The following SPATA13 variants were observed in gnomAD, a reference collection of about 807,000 sequenced individuals.
The protein encoded by SPATA13 is spermatogenesis-associated protein 13.
SPATA13 carries 50 observed loss-of-function variants against 104.0 expected under a neutral mutation model. The ratio of observed to expected loss-of-function variants is 0.48; its 90% CI spans 0.38 to 0.61. SPATA13 has a LOEUF of 0.61. Among genes scored for constraint, SPATA13 ranks in the 20% least tolerant of loss-of-function variants. The probability of loss-of-function intolerance (pLI) is 0.00; values close to 1 mark genes in which losing one functional copy is unlikely to be tolerated. For synonymous variants in SPATA13, 606 were observed against 667.5 expected (o/e 0.91, Z 1.42); for missense variants, 1,524 against 1,690.6 (o/e 0.90, Z 1.73).
At chr13:24,292,716 G>A (rs1453686415) in intron 9 of SPATA13, among the ~76,000 whole-genome samples, 2 of 152,022 alleles carry the variant, frequency 1.3e-5, no homozygotes, top group Non-Finnish European at 2.9e-5. Context: ...GGAAACTTCT[G>A]GCCGGGCGCC....
chr13:24,056,499 G>T (rs982166332), intron 3 of SPATA13, among the ~76,000 whole-genome samples: 2 of 152,162 alleles, frequency 1.3e-5, no homozygotes, highest in African/African-American at 4.8e-5. Context: ...CTGTCCTTCT[G>T]TCCTAAGTGT....
At chr13:24,287,468 C>T (rs1243007815) in intron 7 of SPATA13, among the ~76,000 whole-genome samples, 1 of 152,216 alleles carries the variant, frequency 6.6e-6, no homozygotes, top group Non-Finnish European at 1.5e-5. Context: ...CGGCCCCTCT[C>T]TTAAGTGCAC....
intron 3 of SPATA13, among the ~76,000 whole-genome samples, chr13:24,080,593 C>G (rs545302609): frequency 6.6e-6 from 1 of 152,156 alleles, no homozygotes; most frequent in Non-Finnish European, 1.5e-5. Context: ...GTGGACAGGC[C>G]GCACACCACC....
At chr13:24,192,627 C>T (rs923402881) in intron 1 of SPATA13, among the ~76,000 whole-genome samples, 3 of 152,246 alleles carry the variant, frequency 2.0e-5, no homozygotes, top group African/African-American at 7.2e-5. Flanking sequence ...TGAATGAAAA[C>T]TCAGGCACCT....
chr13:24,029,247 A>G (rs547453485), intron 3 of SPATA13, among the ~76,000 whole-genome samples: 45 of 152,268 alleles, frequency 3.0e-4, no homozygotes, highest in African/African-American at 1.0e-3. Context: ...TCGTGGGAAT[A>G]CTTTAAAGTC....
chr13:24,110,462 A>G (rs1240210209), intron 3 of SPATA13, among the ~76,000 whole-genome samples: 1 of 152,238 alleles, frequency 6.6e-6, no homozygotes, highest in African/African-American at 2.4e-5. Flanking sequence ...GTCAACTCCA[A>G]ACCCCTTGAC....
chr13:24,095,704 G>A (rs1880053760), intron 3 of SPATA13, among the ~76,000 whole-genome samples: 1 of 152,126 alleles, frequency 6.6e-6, no homozygotes, highest in Admixed American at 6.5e-5. Flanking sequence ...TCAAAACAGT[G>A]GACTTGCAAT....
chr13:24,287,622 A>G (rs1160978662), intron 7 of SPATA13, among the ~76,000 whole-genome samples: 1 of 152,204 alleles, frequency 6.6e-6, no homozygotes, highest in East Asian at 1.9e-4. Flanking sequence ...TCACCAACTG[A>G]CAGATGAGAT....
chr13:24,077,388 GT>G lies in SPATA13; in HGVS notation c.-112+59688del, dbSNP rs1316283858. Among the ~76,000 whole-genome samples, 6 of 151,554 alleles carry G rather than the reference GT, an allele frequency of 4.0e-5. No individual in the cohort carries two copies. The East Asian group carries it at 1.2e-3, about 29-fold the overall frequency. On this transcript the variant is annotated intron_variant, in intron 3 of 14. Transcript: ENST00000424834. Reference sequence around the variant, plus strand: ...AAAATTGGGATCCATGAGTTGACAAGTACATGTGATCATACTGGAACGAAAG... The same window carrying G: ...AAAATTGGGATCCATGAGTTGACAAGACATGTGATCATACTGGAACGAAAG...
At chr13:24,040,623 C>G (rs1877886325) in intron 3 of SPATA13, among the ~76,000 whole-genome samples, 1 of 152,032 alleles carries the variant, frequency 6.6e-6, no homozygotes, top group African/African-American at 2.4e-5. Flanking sequence ...GCCTGCCAAG[C>G]ACCAATTTTG....
At chr13:24,142,524 A>C (rs1881793837) in intron 3 of SPATA13, among the ~76,000 whole-genome samples, 1 of 152,150 alleles carries the variant, frequency 6.6e-6, no homozygotes. Context: ...TGGGGGCAGA[A>C]ATATCACAGA....
intron 3 of SPATA13, among the ~76,000 whole-genome samples, chr13:24,021,788 T>C (rs1349293715): frequency 1.3e-5 from 2 of 151,886 alleles, no homozygotes; most frequent in Non-Finnish European, 2.9e-5. Context: ...CTTGGCTCAC[T>C]GCAAGCTCCA....
intron 1 of SPATA13, among the ~76,000 whole-genome samples, chr13:24,182,511 C>T (rs78506514): frequency 1.5e-5 from 2 of 129,090 alleles, no homozygotes; most frequent in Admixed American, 7.7e-5. Flanking sequence ...AGAGAGAGAG[C>T]GCAGGAAAGA....
intron 3 of SPATA13, among the ~76,000 whole-genome samples, chr13:24,058,148 A>C (rs1185594877): frequency 6.6e-6 from 1 of 151,900 alleles, no homozygotes; most frequent in African/African-American, 2.4e-5. Flanking sequence ...ATGAGGCTAC[A>C]TAAATTTAGT....
chr13:24,123,629 G>A, intron 3 of SPATA13: 1 of 1,604,956 alleles, frequency 6.2e-7, no homozygotes, highest in Non-Finnish European at 8.5e-7. Context: ...GGGCAGCAGT[G>A]GTAGGAGAAA....
intron 2 of SPATA13, among the ~76,000 whole-genome samples, chr13:24,226,172 C>G (rs1334755872): frequency 6.6e-6 from 1 of 152,306 alleles, no homozygotes; most frequent in East Asian, 1.9e-4. Flanking sequence ...GAAGTTCTCA[C>G]TCCAGGTCGC....
chr13:24,036,818 A>G (rs962624072), intron 3 of SPATA13, among the ~76,000 whole-genome samples: 7 of 152,148 alleles, frequency 4.6e-5, no homozygotes, highest in African/African-American at 1.4e-4. Context: ...ATTTTTATTG[A>G]TTGATTGATT....
intron 2 of SPATA13, among the ~76,000 whole-genome samples, chr13:24,226,398 G>C (rs1007829339): frequency 1.3e-5 from 2 of 152,198 alleles, no homozygotes; most frequent in African/African-American, 4.8e-5. Flanking sequence ...AGATTTTTAT[G>C]ATGGGTTATT....
intron 1 of SPATA13, among the ~76,000 whole-genome samples, chr13:24,197,991 C>T (rs1349222291): frequency 3.3e-5 from 5 of 151,760 alleles, no homozygotes; most frequent in East Asian, 1.9e-4. Context: ...CCTGTTACCT[C>T]GTGTTTGTTT....
Sources: allele counts gnomAD v4.1 joint callset (sites outside exome capture counted in the v4.1 genomes callset), GRCh38; gene constraint gnomAD v4.1.1; transcripts MANE v1.5; gene names NCBI Gene and HGNC (gene_info 2026-07-23, HGNC 2026-07-21).